The following COL4A1 variants were observed in gnomAD, a reference collection of about 807,000 sequenced individuals.
COL4A1 encodes the protein collagen type IV alpha 1 chain.
In COL4A1, 40 loss-of-function variants were observed where a neutral mutation model predicts 216.6. The observed-to-expected ratio is 0.18, with a 90% CI of 0.14 to 0.24. The LOEUF is 0.24. Among genes scored for constraint, COL4A1 ranks in the 10% least tolerant of loss-of-function variants. The pLI is 1.00. For missense variants in COL4A1, 1,628 were observed against 2,196.8 expected (o/e 0.74, Z 5.18); for synonymous variants, 839 against 810.7 (o/e 1.03, Z -0.59).
At chr13:110,274,360 G>A (rs1566436445) in intron 1 of COL4A1, among the ~76,000 whole-genome samples, 1 of 152,212 alleles carries the variant, frequency 6.6e-6, no homozygotes, top group Non-Finnish European at 1.5e-5. Flanking sequence ...TTTCCCATGA[G>A]TGTTATTAGA....
intron 2 of COL4A1, among the ~76,000 whole-genome samples, chr13:110,240,376 G>A (rs521969): frequency 0.091 from 13,839 of 152,270 alleles, 870 homozygotes; most frequent in East Asian, 0.24. Flanking sequence ...GCAGGATCCT[G>A]CTCCTTCCAT....
In COL4A1 at chr13:110,150,445, C is replaced by T. The variant is rs1876447966; in HGVS notation, c.4929-1G>A. On this transcript the variant is annotated splice_acceptor_variant, in intron 51 of 51. Transcript: ENST00000375820. LOFTEE classifies it high-confidence loss of function. ...CTTCAAGGTGGACGGCGTAGGCTTC[C>T]TAAAACACGACACAGAGACAGACCA... 1 of 1,613,804 alleles carries T rather than the reference C, an allele frequency of 6.2e-7. No individual in the cohort carries two copies. The highest frequency in any genetic ancestry group is 1.7e-5 in the Admixed American group (1 of 60,000).
At chr13:110,177,207 C>G (rs181229421) in intron 33 of COL4A1, among the ~76,000 whole-genome samples, 170 bp from the exon 34 acceptor site, 1 of 152,314 alleles carries the variant, frequency 6.6e-6, no homozygotes, top group Admixed American at 6.5e-5. Flanking sequence ...AAGAATCCAA[C>G]CCCAGGTAAA....
chr13:110,162,486 C>T (rs750496261), intron 47 of COL4A1, 44 bp from the exon 48 acceptor site: 16 of 1,368,280 alleles, frequency 1.2e-5, no homozygotes, highest in South Asian at 2.3e-5. Flanking sequence ...TACAAACACG[C>T]TCCCCTAAAG....
intron 15 of COL4A1, among the ~76,000 whole-genome samples, chr13:110,206,079 G>T (rs373429924): frequency 9.3e-4 from 141 of 152,292 alleles, no homozygotes; most frequent in African/African-American, 3.4e-3. Flanking sequence ...AGCAGAGTCC[G>T]ATGAGCTACA....
intron 24 of COL4A1, among the ~76,000 whole-genome samples, chr13:110,188,878 A>C (rs1422074715): frequency 3.9e-5 from 6 of 152,138 alleles, no homozygotes; most frequent in Non-Finnish European, 1.5e-5. Flanking sequence ...CTTCCATACC[A>C]ACCACGATGC....
rs1446818359 is a variant in COL4A1, at chr13:110,194,908, G to C, written c.1381+115C>G. ...ATTGTGAAGAGGGTTCCAAATAAAA[G>C]GAACCTACGCCCTAACTCTGCCCAC... On this transcript the variant is annotated intron_variant, in intron 22 of 51. Transcript: ENST00000375820. 4 of 791,974 alleles carry C rather than the reference G, an allele frequency of 5.1e-6. No individual in the cohort carries two copies. The African/African-American group carries it at 6.9e-5, about 14-fold the overall frequency. 49.1% of individuals were successfully genotyped at this position (791,974 alleles called of 1,614,324 possible).
At chr13:110,154,032 T>C (rs752316283) in intron 50 of COL4A1, among the ~76,000 whole-genome samples, 8 of 152,202 alleles carry the variant, frequency 5.3e-5, no homozygotes, top group Non-Finnish European at 1.0e-4. Context: ...CCGCCAATTT[T>C]TTCTACAATT....
rs1425873029 is a variant in COL4A1, at chr13:110,306,953, G to A, written c.75C>T (p.Ala25=). The part of the protein sequence containing the change: ...ALLLHEEHSR[A]AAKGGCAGSG... ...CTGGCCGGGAACTCACCTTCGCAGC[G>A]GCCCGGCTGTGCTCCTCGTGGAGCA... Residue 25 remains alanine, a synonymous_variant, in exon 1 of 52, where the codon GCC becomes GCT. Coordinates refer to ENST00000375820, the MANE Select transcript of COL4A1 (RefSeq NM_001845.6). 5 of 1,473,108 alleles carry A rather than the reference G, an allele frequency of 3.4e-6. No homozygotes were observed. In the African/African-American group the frequency reaches 5.9e-5, roughly 17 times the overall value. The allele number at this position is 1,473,108 out of a possible 1,614,324, so 91.3% of individuals were successfully genotyped here. A position where few individuals can be genotyped will look rare whatever the true frequency, so the allele number is the denominator to read the frequency against.
intron 17 of COL4A1, among the ~76,000 whole-genome samples, chr13:110,204,222 C>T (rs1566372126): frequency 1.3e-5 from 2 of 152,154 alleles, no homozygotes; most frequent in Non-Finnish European, 2.9e-5. Flanking sequence ...ATGATTTAAA[C>T]AGTCCAAAGA....
At chr13:110,251,986 C>T (rs1329195128) in intron 1 of COL4A1, among the ~76,000 whole-genome samples, 1 of 152,176 alleles carries the variant, frequency 6.6e-6, no homozygotes, top group Non-Finnish European at 1.5e-5. Flanking sequence ...ATTCCAACAA[C>T]TGGGCATAAG....
chr13:110,303,461 T>G lies in COL4A1; in HGVS notation c.84+3483A>C, dbSNP rs117243432. 4.5e-3 allele frequency among the ~76,000 whole-genome samples: 682 copies of G among 152,284 alleles called. 2 individuals carry two copies. Among genetic ancestry groups the G allele is most frequent in the Middle Eastern group, 0.017 (5 of 292 alleles). On this transcript the variant is annotated intron_variant, in intron 1 of 51. Transcript: ENST00000375820. ...CCAAGATTGTTAATCACAGAAACAA[T>G]GACATTTTGGTATCTCAAAGGAGCA...
At chr13:110,183,840 A>T (rs1015474860) in intron 26 of COL4A1, among the ~76,000 whole-genome samples, 1 of 152,216 alleles carries the variant, frequency 6.6e-6, no homozygotes, top group Non-Finnish European at 1.5e-5. Context: ...CAGGAAGCAC[A>T]GCCCCGGCCC....
chr13:110,158,304 T>C (rs925904323), intron 49 of COL4A1, among the ~76,000 whole-genome samples: 2 of 152,264 alleles, frequency 1.3e-5, no homozygotes, highest in Non-Finnish European at 2.9e-5. Context: ...AAGATTTTCC[T>C]ACATAGGAGG....
At chr13:110,271,103 A>T (rs952807356) in intron 1 of COL4A1, among the ~76,000 whole-genome samples, 36 of 152,236 alleles carry the variant, frequency 2.4e-4, no homozygotes, top group Admixed American at 2.2e-3. Flanking sequence ...CATCAAGCCC[A>T]TTCTGATCTA....
intron 40 of COL4A1, 25 bp downstream of exon 40, chr13:110,173,875 T>A (rs772181475): frequency 6.2e-7 from 1 of 1,613,678 alleles, no homozygotes; most frequent in Admixed American, 1.7e-5. Flanking sequence ...CTGATTCTGA[T>A]AGGGAATGGG....
chr13:110,295,151 T>C (rs1419669646), intron 1 of COL4A1, among the ~76,000 whole-genome samples: 1 of 152,184 alleles, frequency 6.6e-6, no homozygotes, highest in East Asian at 1.9e-4. Context: ...TATGAAGTTG[T>C]ATGTGAAGAT....
At chr13:110,156,329 A>G (rs1054976873) in intron 49 of COL4A1, among the ~76,000 whole-genome samples, 2 of 152,250 alleles carry the variant, frequency 1.3e-5, no homozygotes, top group African/African-American at 4.8e-5. Flanking sequence ...AACAGTTTGA[A>G]GCTACTAATA....
chr13:110,167,786 C>T (rs113675317), intron 43 of COL4A1, among the ~76,000 whole-genome samples: 1 of 152,240 alleles, frequency 6.6e-6, no homozygotes, highest in African/African-American at 2.4e-5. Context: ...GGCTCATTTT[C>T]TTTCCATTTC....
Sources: allele counts gnomAD v4.1 joint callset (sites outside exome capture counted in the v4.1 genomes callset), GRCh38; gene constraint gnomAD v4.1.1; transcripts MANE v1.5; gene names NCBI Gene and HGNC (gene_info 2026-07-23, HGNC 2026-07-21).